The following ARHGAP24 variants were observed in gnomAD, a reference collection of about 807,000 sequenced individuals.
ARHGAP24 encodes the protein rho GTPase-activating protein 24.
In ARHGAP24, 50 loss-of-function variants were observed where a neutral mutation model predicts 76.4. That is an observed-to-expected ratio of 0.65 (90% CI 0.52 to 0.83). The LOEUF is 0.83. Among genes scored for constraint, ARHGAP24 ranks in the 40% least tolerant of loss-of-function variants. ARHGAP24 has a pLI of 0.00. For synonymous variants in ARHGAP24, 345 were observed against 323.3 expected (o/e 1.07, Z -0.72); for missense variants, 930 against 914.2 (o/e 1.02, Z -0.22).
chr4:85,688,884 T>G (rs1287580518), intron 2 of ARHGAP24, among the ~76,000 whole-genome samples: 2 of 152,164 alleles, frequency 1.3e-5, no homozygotes, highest in Non-Finnish European at 2.9e-5. Context: ...TTCTGAGTGT[T>G]CTATGCTGTT....
intron 5 of ARHGAP24, among the ~76,000 whole-genome samples, chr4:85,943,693 AGTGAGAACATGCG>A (rs1233401359): frequency 6.6e-6 from 1 of 152,014 alleles, no homozygotes; most frequent in Non-Finnish European, 1.5e-5. Flanking sequence ...CCCACTTATG[AGTGAGAACATGCG>A]GTGTTTGGTT....
At chr4:85,996,018 A>C (rs1163853639) in intron 9 of ARHGAP24, among the ~76,000 whole-genome samples, 1 of 152,220 alleles carries the variant, frequency 6.6e-6, no homozygotes, top group Admixed American at 6.5e-5. Flanking sequence ...GAGCATTAGG[A>C]GCCTGTTAGT....
intron 3 of ARHGAP24, chr4:85,828,048 T>C: frequency 8.7e-7 from 1 of 1,152,202 alleles, no homozygotes; most frequent in South Asian, 1.3e-5. Context: ...GTTTAATAAT[T>C]TGGGGATATT....
intron 3 of ARHGAP24, chr4:85,827,636 C>G (rs1408063762): frequency 4.7e-6 from 1 of 212,128 alleles, no homozygotes; most frequent in Non-Finnish European, 9.6e-6. Context: ...TTCAGAATCT[C>G]GAAAGGCAAG....
At chr4:85,675,830 C>A (rs558268855) in intron 2 of ARHGAP24, among the ~76,000 whole-genome samples, 1 of 152,152 alleles carries the variant, frequency 6.6e-6, no homozygotes, top group Non-Finnish European at 1.5e-5. Context: ...CTCCTATCCA[C>A]TCAAAGTCAT....
At chr4:85,827,460 C>CTGTGTGTGTGTG in intron 3 of ARHGAP24, among the ~76,000 whole-genome samples, 1 of 49,620 alleles carries the variant, frequency 2.0e-5, no homozygotes, top group Non-Finnish European at 4.7e-5. Context: ...TGAAGTCTGC[C>CTGTGTGTGTGTG]CGTGTGTGTG....
chr4:85,527,487 A>G (rs71599413), intron 1 of ARHGAP24, among the ~76,000 whole-genome samples: 1 of 152,122 alleles, frequency 6.6e-6, no homozygotes, highest in African/African-American at 2.4e-5. Flanking sequence ...AAATTTAGAT[A>G]CAATAAGATC....
At chr4:85,823,918 A>G (rs879727850) in intron 3 of ARHGAP24, among the ~76,000 whole-genome samples, 25 of 150,024 alleles carry the variant, frequency 1.7e-4, no homozygotes, top group Non-Finnish European at 3.1e-4. Flanking sequence ...AACCACTTAA[A>G]TGTATTTAGG....
chr4:85,781,017 C>T (rs17399123), intron 3 of ARHGAP24, among the ~76,000 whole-genome samples: 30,429 of 152,188 alleles, frequency 0.2, 4,109 homozygotes, highest in Non-Finnish European at 0.3. Flanking sequence ...TTCACAATCA[C>T]GCTGTTCACA....
chr4:85,716,539 C>G (rs1724739983), intron 2 of ARHGAP24, among the ~76,000 whole-genome samples: 1 of 152,056 alleles, frequency 6.6e-6, no homozygotes, highest in South Asian at 2.1e-4. Flanking sequence ...TGTACTTGAG[C>G]CTCTTCTCTC....
At chr4:85,708,804 C>G (rs1724412893) in intron 2 of ARHGAP24, among the ~76,000 whole-genome samples, 1 of 152,118 alleles carries the variant, frequency 6.6e-6, no homozygotes, top group Non-Finnish European at 1.5e-5. Context: ...ACCTTCATAT[C>G]TATTATCATT....
chr4:85,863,789 A>G (rs940339139), intron 3 of ARHGAP24, among the ~76,000 whole-genome samples: 2 of 152,026 alleles, frequency 1.3e-5, no homozygotes, highest in African/African-American at 4.8e-5. Context: ...TACCAGGAAA[A>G]TTTAGAACAT....
At chr4:85,953,072 G>A (rs1383433052) in intron 5 of ARHGAP24, among the ~76,000 whole-genome samples, 2 of 152,188 alleles carry the variant, frequency 1.3e-5, no homozygotes, top group African/African-American at 4.8e-5. Flanking sequence ...GTAGGGTCAA[G>A]AATGGCAGTG....
intron 1 of ARHGAP24, among the ~76,000 whole-genome samples, chr4:85,504,226 A>G (rs1723940756): frequency 6.6e-6 from 1 of 152,184 alleles, no homozygotes; most frequent in African/African-American, 2.4e-5. Flanking sequence ...GTAGATGTCT[A>G]TTAGGTCTGC....
chr4:85,656,712 C>T (rs979208455), intron 2 of ARHGAP24, among the ~76,000 whole-genome samples: 12 of 151,984 alleles, frequency 7.9e-5, no homozygotes, highest in East Asian at 3.9e-4. Context: ...GTGATCCACC[C>T]GCCTCAGCCT....
At chr4:85,523,427 C>G (rs374146034) in intron 1 of ARHGAP24, among the ~76,000 whole-genome samples, 1 of 151,098 alleles carries the variant, frequency 6.6e-6, no homozygotes, top group East Asian at 1.9e-4. Context: ...GAAGGTAGAT[C>G]AATTTTAGAT....
chr4:85,750,424 A>AGAGT (rs1227117158), intron 3 of ARHGAP24, among the ~76,000 whole-genome samples: 1 of 150,156 alleles, frequency 6.7e-6, no homozygotes, highest in African/African-American at 2.5e-5. Context: ...TCTTAATCCC[A>AGAGT]GAGTGGCTCC....
intron 3 of ARHGAP24, among the ~76,000 whole-genome samples, chr4:85,884,198 C>T (rs1271127613): frequency 1.3e-5 from 2 of 152,134 alleles, no homozygotes; most frequent in Non-Finnish European, 2.9e-5. Context: ...TTTTATAGAA[C>T]CTATTTTTTC....
chr4:85,953,393 C>A (rs1356451264), intron 5 of ARHGAP24, among the ~76,000 whole-genome samples: 4 of 151,888 alleles, frequency 2.6e-5, no homozygotes, highest in Non-Finnish European at 5.9e-5. Flanking sequence ...ACAGAAAAGC[C>A]AGACATATTT....
Sources: allele counts gnomAD v4.1 joint callset (sites outside exome capture counted in the v4.1 genomes callset), GRCh38; gene constraint gnomAD v4.1.1; transcripts MANE v1.5; gene names NCBI Gene and HGNC (gene_info 2026-07-23, HGNC 2026-07-21).